Variants in TSKU observed in about 807,000 individuals in gnomAD.
The protein encoded by TSKU is tsukushi, small leucine rich proteoglycan.
A neutral mutation model predicts 11.2 loss-of-function variants in TSKU; 4 were observed. The ratio of observed to expected loss-of-function variants is 0.36; its 90% CI spans 0.18 to 0.82. The LOEUF (loss-of-function observed/expected upper bound fraction) is 0.82. Ranked by LOEUF, TSKU falls within the 40% of genes least tolerant of loss-of-function variation. The probability of loss-of-function intolerance (pLI) is 0.50; values close to 1 mark genes in which losing one functional copy is unlikely to be tolerated. For missense variants in TSKU, 407 were observed against 482.5 expected, an observed-to-expected ratio of 0.84 and a Z score of 1.47; for synonymous variants, 220 against 232.2, an observed-to-expected ratio of 0.95 and a Z score of 0.48.
At position 76,795,722 on chromosome 11, in the gene TSKU, A is replaced by G; in HGVS notation, c.106A>G (p.Ser36Gly). Residue 36 changes from serine (S) to glycine (G), a missense_variant, in exon 2 of 2, where the codon AGC becomes GGC. Physicochemically the swap from Ser to Gly is moderately conservative, Grantham distance 56. Transcript: ENST00000333090. ...GGTGGAGACCTTCGGCCTTTTCGAC[A>G]GCTTCAGCCTGACTCGGGTGGATTG... ...CEVETFGLFDSFSLTRVDCSG... is the reference protein window; with the variant it reads ...CEVETFGLFDGFSLTRVDCSG... The G allele has an allele frequency of 6.2e-7, 1 of 1,614,168 alleles. No individual in the cohort carries two copies. Among genetic ancestry groups the G allele is most frequent in the Non-Finnish European group, 8.5e-7 (1 of 1,180,032 alleles).
Position 76,797,348 on chromosome 11 carries a change from T to G in TSKU, c.*670T>G, listed in dbSNP as rs1944467604. ...GGACCCAATGCACTTTCTTGTCTCC[T>G]CTAATAAGCCCCACCCTCCCCGCCT... On this transcript the variant is annotated 3_prime_UTR_variant, in exon 2 of 2. Coordinates refer to ENST00000333090, the MANE Select transcript of TSKU (RefSeq NM_015516.4). The G allele has an allele frequency of 6.0e-6, 1 of 167,116 alleles. No homozygotes were observed. The highest frequency in any genetic ancestry group is 6.5e-5 in the Admixed American group (1 of 15,288). 10.4% of individuals were successfully genotyped at this position (167,116 alleles called of 1,614,324 possible).
Position 76,796,718 on chromosome 11 carries a change from C to G in TSKU, c.*40C>G, listed in dbSNP as rs560312932. 1.4e-6 allele frequency: 2 copies of G among 1,404,756 alleles called. No homozygotes were observed. The highest frequency in any genetic ancestry group is 3.3e-5 in the South Asian group (2 of 60,352). The allele number at this position is 1,404,756 out of a possible 1,614,324, so 87.0% of individuals were successfully genotyped here. On this transcript the variant is annotated 3_prime_UTR_variant, in exon 2 of 2. Coordinates refer to ENST00000333090, the MANE Select transcript of TSKU (RefSeq NM_015516.4). The surrounding 1 kb of genome is among the most constrained non-coding windows in gnomAD (Gnocchi z 4.1). ...CAGGGCCACATAACAGACTGCTGTC[C>G]TGGGCTGCCTCAGGTCCCGAGTAAC...
rs756006971 is a variant in TSKU, at chr11:76,795,770, A to G, written c.154A>G (p.Met52Val). The G allele has an allele frequency of 6.2e-7, 1 of 1,614,156 alleles. No homozygotes were observed. Among genetic ancestry groups the G allele is most frequent in the Non-Finnish European group, 8.5e-7 (1 of 1,180,022 alleles). The stretch of plus-strand genomic sequence containing the variant: ...TTGTAGCGGCCTGGGCCCCCACATC[A>G]TGCCGGTGCCCATCCCTCTGGACAC... ...VDCSGLGPHI[M>V]PVPIPLDTAH... The change falls in exon 2 of 2, where the codon ATG (methionine) becomes GTG (valine). Residue 52 changes from methionine (M) to valine (V), a missense_variant. Physicochemically the swap from Met to Val is conservative, Grantham distance 21 (BLOSUM62 1). Coordinates refer to ENST00000333090, the MANE Select transcript of TSKU (RefSeq NM_015516.4).
intron 1 of TSKU, among the ~76,000 whole-genome samples, chr11:76,787,756 G>T (rs992024686): frequency 1.3e-5 from 2 of 152,226 alleles, no homozygotes; most frequent in African/African-American, 4.8e-5. Context: ...AGTTAAACAT[G>T]TAAGTACAGT....
At chr11:76,790,225 G>A (rs1045393535) in intron 1 of TSKU, among the ~76,000 whole-genome samples, 3 of 152,114 alleles carry the variant, frequency 2.0e-5, no homozygotes, top group Non-Finnish European at 4.4e-5. Context: ...ATGAGATGAG[G>A]ACAGTCCATG....
intron 1 of TSKU, among the ~76,000 whole-genome samples, chr11:76,783,914 T>TCCCCCGCC (rs1944273442): frequency 9.0e-6 from 1 of 111,380 alleles, no homozygotes; most frequent in Non-Finnish European, 1.9e-5. Context: ...ACCCCCCCGC[T>TCCCCCGCC]CCCCCGCCGT....
At chr11:76,786,175 C>T (rs981745506) in intron 1 of TSKU, among the ~76,000 whole-genome samples, 1 of 152,178 alleles carries the variant, frequency 6.6e-6, no homozygotes, top group Non-Finnish European at 1.5e-5. Flanking sequence ...GCTTTCTGTC[C>T]ATGACATTTC....
intron 1 of TSKU, among the ~76,000 whole-genome samples, chr11:76,793,135 A>G (rs1035153246): frequency 3.3e-5 from 5 of 152,270 alleles, no homozygotes; most frequent in African/African-American, 1.2e-4. Flanking sequence ...TGCAGGGCTG[A>G]GCAAGGAACC....
chr11:76,790,631 C>T (rs1312312239), intron 1 of TSKU, among the ~76,000 whole-genome samples: 1 of 152,192 alleles, frequency 6.6e-6, no homozygotes, highest in Admixed American at 6.5e-5. Context: ...GCTTCCTCCT[C>T]ATTGTATCTT....
chr11:76,787,732 A>G (rs1944326207), intron 1 of TSKU, among the ~76,000 whole-genome samples: 1 of 152,218 alleles, frequency 6.6e-6, no homozygotes. Flanking sequence ...ATCCCTGCCC[A>G]CAGTAGGATA....
At chr11:76,789,085 C>A (rs970021877) in intron 1 of TSKU, among the ~76,000 whole-genome samples, 2 of 152,232 alleles carry the variant, frequency 1.3e-5, no homozygotes, top group African/African-American at 4.8e-5. Flanking sequence ...CCCTGCTCTG[C>A]CATTCCTTGC....
chr11:76,796,405 C>CA lies in TSKU; in HGVS notation c.791dup (p.Asn264LysfsTer5). On this transcript the variant is annotated frameshift_variant, in exon 2 of 2. Transcript: ENST00000333090. LOFTEE classifies it high-confidence loss of function. The surrounding 1 kb of genome is among the most constrained non-coding windows in gnomAD (Gnocchi z 4.1). ...GCCTGCAGGTCCTGGACCTGTCGGG[C>CA]AACCCCAAGCTTAACTGGGCAGGAG... is the stretch of plus-strand genomic sequence containing the variant. 1.2e-6 allele frequency: 2 copies of CA among 1,613,532 alleles called. No individual in the cohort carries two copies. Among genetic ancestry groups the CA allele is most frequent in the Non-Finnish European group, 1.7e-6 (2 of 1,179,970 alleles).
upstream of TSKU, chr11:76,783,285 C>G (rs1239642126): frequency 6.7e-6 from 1 of 150,352 alleles, no homozygotes; most frequent in Non-Finnish European, 1.5e-5. Context: ...AGGGGGGAGC[C>G]TGGCTGCGGG....
rs1461442430 is a variant in TSKU at position 76,796,227 on chromosome 11, A to T, written c.611A>T (p.Asp204Val). The T allele has an allele frequency of 6.2e-7, 1 of 1,613,370 alleles. No homozygotes were observed. The highest frequency in any genetic ancestry group is 1.7e-5 in the Admixed American group (1 of 60,002). The change falls in exon 2 of 2, where the codon GAC (aspartate) becomes GTC (valine). Residue 204 changes from aspartate (D) to valine (V), a missense_variant. Physicochemically the swap from Asp to Val is radical, Grantham distance 152. Coordinates refer to ENST00000333090, the MANE Select transcript of TSKU (RefSeq NM_015516.4). The surrounding 1 kb of genome is among the most constrained non-coding windows in gnomAD (Gnocchi z 4.1). ...CTCCATGCCGTGCCCAACCTCCGAG[A>T]CTTGCCCCTGCGCTACCTGAGCCTG... Reference protein sequence around the residue: ...NRLHAVPNLRDLPLRYLSLDG... With the variant: ...NRLHAVPNLRVLPLRYLSLDG...
At chr11:76,787,058 C>T (rs1408306457) in intron 1 of TSKU, among the ~76,000 whole-genome samples, 1 of 152,178 alleles carries the variant, frequency 6.6e-6, no homozygotes, top group Non-Finnish European at 1.5e-5. Flanking sequence ...TCTGGGTCTT[C>T]ACTTTGCCTC....
At chr11:76,784,464 C>A (rs1231164555) in intron 1 of TSKU, 1 of 152,442 alleles carries the variant, frequency 6.6e-6, no homozygotes, top group Admixed American at 6.5e-5. Flanking sequence ...GCCTCACATA[C>A]ACAGGTTTCA....
Position 76,795,821 on chromosome 11 carries a change from C to A in TSKU, c.205C>A (p.Arg69=). Residue 69 remains arginine, a synonymous_variant, in exon 2 of 2, where the codon CGG becomes AGG. Coordinates refer to ENST00000333090, the MANE Select transcript of TSKU (RefSeq NM_015516.4). ...AGCCCACTTGGACCTGTCCTCCAAC[C>A]GGCTGGAGATGGTGAATGAGTCGGT... is the stretch of plus-strand genomic sequence containing the variant. ...DTAHLDLSSN[R]LEMVNESVLA... 6.2e-7 allele frequency: 1 copy of A among 1,614,150 alleles called. No individual in the cohort carries two copies. Among genetic ancestry groups the A allele is most frequent in the South Asian group, 1.1e-5 (1 of 91,084 alleles).
At chr11:76,786,008 G>A (rs1369618234) in intron 1 of TSKU, among the ~76,000 whole-genome samples, 4 of 152,246 alleles carry the variant, frequency 2.6e-5, no homozygotes, top group Non-Finnish European at 4.4e-5. Context: ...GGTTTGTAGT[G>A]TGTATTACAT....
intron 1 of TSKU, among the ~76,000 whole-genome samples, chr11:76,794,985 T>A: frequency 6.6e-6 from 1 of 152,232 alleles, no homozygotes; most frequent in East Asian, 1.9e-4. Context: ...CGTCTTAACC[T>A]AAGGCCCAGT....
Sources: allele counts gnomAD v4.1 joint callset (sites outside exome capture counted in the v4.1 genomes callset), GRCh38; gene constraint gnomAD v4.1.1; non-coding constraint Gnocchi (gnomAD v3.1); transcripts MANE v1.5; gene names NCBI Gene and HGNC (gene_info 2026-07-23, HGNC 2026-07-21).